ZNF385B: variants seen among roughly 807,000 people sequenced by gnomAD.
ZNF385B encodes zinc finger protein 533.
ZNF385B carries 23 observed loss-of-function variants against 39.2 expected under a neutral mutation model. The ratio of observed to expected loss-of-function variants is 0.59; its 90% CI spans 0.42 to 0.83. ZNF385B has a LOEUF of 0.83. Ranked by LOEUF, ZNF385B falls within the 40% of genes least tolerant of loss-of-function variation. The pLI, the probability that ZNF385B is intolerant of heterozygous loss-of-function variation, is 0.00. For synonymous variants in ZNF385B, 205 were observed against 222.6 expected (o/e 0.92, Z 0.70); for missense variants, 552 against 598.9 (o/e 0.92, Z 0.82).
chr2:179,759,471 C>T (rs62180379), intron 3 of ZNF385B, among the ~76,000 whole-genome samples: 7,424 of 152,162 alleles, frequency 0.049, 256 homozygotes, highest in Middle Eastern at 0.099. Context: ...AACCCTTTTT[C>T]CTGTTCTGAT....
At chr2:179,792,246 G>C (rs1210953704) in intron 1 of ZNF385B, among the ~76,000 whole-genome samples, 1 of 151,904 alleles carries the variant, frequency 6.6e-6, no homozygotes, top group East Asian at 1.9e-4. Flanking sequence ...AATAAAGAGG[G>C]ACCCCCACAA....
At chr2:179,613,268 C>T (rs573730056) in intron 3 of ZNF385B, among the ~76,000 whole-genome samples, 5 of 152,236 alleles carry the variant, frequency 3.3e-5, no homozygotes, top group South Asian at 2.1e-4. Context: ...GACAAAGTCT[C>T]CTTTACTCTT....
intron 5 of ZNF385B, among the ~76,000 whole-genome samples, chr2:179,488,354 C>T (rs1006066729): frequency 6.6e-6 from 1 of 152,152 alleles, no homozygotes; most frequent in African/African-American, 2.4e-5. Context: ...CCCTGTTGGC[C>T]AGGCTGGTCT....
In ZNF385B at chr2:179,544,980, CA is replaced by C. The variant is rs1177430050; in HGVS notation, c.299-12del. On this transcript the variant is annotated splice_polypyrimidine_tract_variant and intron_variant, in intron 3 of 9. Coordinates refer to ENST00000410066, the MANE Select transcript of ZNF385B (RefSeq NM_152520.6). Reference sequence around the variant, plus strand: ...TGTGGCATGTACTGCCTGCCAAGAACAAAACAAAAATGAATTCAATTTCTTG... The same window carrying C: ...TGTGGCATGTACTGCCTGCCAAGAACAAACAAAAATGAATTCAATTTCTTG... 4 of 1,613,550 alleles carry C rather than the reference CA, an allele frequency of 2.5e-6. No homozygotes were observed. In the South Asian group the frequency reaches 4.4e-5, roughly 18 times the overall value.
intron 3 of ZNF385B, among the ~76,000 whole-genome samples, chr2:179,632,705 G>T (rs1691350927): frequency 1.3e-5 from 2 of 152,104 alleles, no homozygotes; most frequent in South Asian, 2.1e-4. Flanking sequence ...TAAGATCAGA[G>T]CAGAACTGAA....
intron 3 of ZNF385B, among the ~76,000 whole-genome samples, chr2:179,726,334 C>T (rs915439697): frequency 6.6e-6 from 1 of 151,912 alleles, no homozygotes; most frequent in African/African-American, 2.4e-5. Flanking sequence ...TTGTGTGTTT[C>T]CTTCTATCAT....
At chr2:179,661,097 G>A (rs1694413104) in intron 3 of ZNF385B, among the ~76,000 whole-genome samples, 1 of 151,902 alleles carries the variant, frequency 6.6e-6, no homozygotes, top group Non-Finnish European at 1.5e-5. Flanking sequence ...CTTTTATTTT[G>A]GTTAAAGCAA....
At chr2:179,769,963 G>A (rs1010317235) in intron 2 of ZNF385B, among the ~76,000 whole-genome samples, 161 bp from the exon 3 acceptor site, 1 of 152,176 alleles carries the variant, frequency 6.6e-6, no homozygotes, top group Non-Finnish European at 1.5e-5. Context: ...AAGTAAGCAA[G>A]TATGGTCTTT....
In ZNF385B at chr2:179,519,039, G is replaced by C. The variant is rs2058295920; in HGVS notation, c.442-401C>G. The stretch of plus-strand genomic sequence containing the variant: ...TCTGTTGCTCAAGCTGGAATGCAGT[G>C]GCGTGATCATAGTTCACTGCAGCCT... On this transcript the variant is annotated intron_variant, in intron 4 of 9. Coordinates refer to ENST00000410066, the MANE Select transcript of ZNF385B (RefSeq NM_152520.6). 6.6e-5 allele frequency among the ~76,000 whole-genome samples: 10 copies of C among 152,202 alleles called. No homozygotes were observed. In the South Asian group the frequency reaches 1.9e-3, roughly 28 times the overall value.
intron 3 of ZNF385B, among the ~76,000 whole-genome samples, chr2:179,635,766 T>C (rs1396060165): frequency 6.6e-6 from 1 of 152,134 alleles, no homozygotes; most frequent in Non-Finnish European, 1.5e-5. Flanking sequence ...TTTCATATTG[T>C]AATAATTTTG....
At chr2:179,779,207 G>A (rs1402915621) in intron 1 of ZNF385B, among the ~76,000 whole-genome samples, 1 of 152,196 alleles carries the variant, frequency 6.6e-6, no homozygotes. Context: ...AAGATGTGAT[G>A]ATGATGAAAC....
chr2:179,455,110 T>G (rs893274621), intron 6 of ZNF385B, among the ~76,000 whole-genome samples: 2 of 152,214 alleles, frequency 1.3e-5, no homozygotes, highest in Non-Finnish European at 2.9e-5. Flanking sequence ...TGGTAAATGC[T>G]CTATACAAGT....
At chr2:179,681,733 T>A (rs1471104475) in intron 3 of ZNF385B, among the ~76,000 whole-genome samples, 5 of 152,226 alleles carry the variant, frequency 3.3e-5, no homozygotes, top group Non-Finnish European at 7.3e-5. Flanking sequence ...TGATCATGTG[T>A]TGGCAGTCTC....
At chr2:179,820,426 A>C (rs1707334662) in intron 1 of ZNF385B, among the ~76,000 whole-genome samples, 1 of 151,680 alleles carries the variant, frequency 6.6e-6, no homozygotes, top group Non-Finnish European at 1.5e-5. Context: ...TCATTGTTTG[A>C]TTTTAAACCA....
At chr2:179,825,883 C>T (rs920629716) in intron 1 of ZNF385B, among the ~76,000 whole-genome samples, 2 of 152,138 alleles carry the variant, frequency 1.3e-5, no homozygotes, top group Non-Finnish European at 2.9e-5. Flanking sequence ...ACTTTCTTCC[C>T]GTTTACCACT....
Position 179,636,060 on chromosome 2 carries a change from T to C in ZNF385B, c.299-91091A>G, listed in dbSNP as rs997987091. The stretch of plus-strand genomic sequence containing the variant: ...TATAATTGTATACACCAGCATGTTA[T>C]CTAGCATATTTTTGATAGGTGAGAA... On this transcript the variant is annotated intron_variant, in intron 3 of 9. Coordinates refer to ENST00000410066, the MANE Select transcript of ZNF385B (RefSeq NM_152520.6). Among the ~76,000 whole-genome samples the C allele has an allele frequency of 3.3e-5, 5 of 152,336 alleles. No homozygotes were observed. The South Asian group carries it at 6.2e-4, about 19-fold the overall frequency.
intron 3 of ZNF385B, among the ~76,000 whole-genome samples, chr2:179,628,960 C>A (rs149164801): frequency 1.1e-3 from 172 of 152,236 alleles, no homozygotes; most frequent in East Asian, 6.9e-3. Context: ...AAACTTTTTG[C>A]TATCATTATG....
intron 3 of ZNF385B, among the ~76,000 whole-genome samples, chr2:179,626,482 T>C (rs1478237478): frequency 6.6e-6 from 1 of 152,128 alleles, no homozygotes; most frequent in Non-Finnish European, 1.5e-5. Flanking sequence ...GAGGGGAAAA[T>C]ACATCCTTAA....
intron 3 of ZNF385B, among the ~76,000 whole-genome samples, chr2:179,677,730 T>C (rs1041505820): frequency 6.6e-6 from 1 of 152,230 alleles, no homozygotes; most frequent in Non-Finnish European, 1.5e-5. Context: ...CCTTCATTTA[T>C]ATGTTTAATC....
Sources: allele counts gnomAD v4.1 joint callset (sites outside exome capture counted in the v4.1 genomes callset), GRCh38; gene constraint gnomAD v4.1.1; transcripts MANE v1.5; gene names NCBI Gene and HGNC (gene_info 2026-07-23, HGNC 2026-07-21).